The following SLC36A1 variants were observed in gnomAD, a reference collection of about 807,000 sequenced individuals.
The protein encoded by SLC36A1 is proton-coupled amino acid transporter 1.
SLC36A1 carries 30 observed loss-of-function variants against 47.5 expected under a neutral mutation model. The observed-to-expected ratio is 0.63, with a 90% CI of 0.47 to 0.86. The LOEUF (loss-of-function observed/expected upper bound fraction) is 0.86. SLC36A1 is among the 40% of genes least tolerant of loss of function. SLC36A1 has a pLI of 0.00. For synonymous variants in SLC36A1, 255 were observed against 249.7 expected (o/e 1.02, Z -0.20); for missense variants, 517 against 606.0 (o/e 0.85, Z 1.54).
the SLC36A1 span, among the ~76,000 whole-genome samples, chr5:151,396,849 G>A: frequency 1.3e-5 from 2 of 152,156 alleles, no homozygotes; most frequent in African/African-American, 4.8e-5. Context: ...CCTTTGATAG[G>A]TTAAGCAATA....
intron 4 of SLC36A1, 30 bp downstream of exon 4, chr5:151,464,632 G>A: frequency 6.3e-7 from 1 of 1,595,002 alleles, no homozygotes; most frequent in Non-Finnish European, 8.6e-7. Context: ...CCTCTCAAGT[G>A]ACAGATTGTC....
the SLC36A1 span, among the ~76,000 whole-genome samples, chr5:151,524,903 C>T: frequency 6.6e-6 from 1 of 152,190 alleles, no homozygotes; most frequent in South Asian, 2.1e-4. Context: ...AATGTGTGTC[C>T]CCCTGTCTTA....
chr5:151,407,600 C>G, the SLC36A1 span, among the ~76,000 whole-genome samples: 5 of 151,954 alleles, frequency 3.3e-5, no homozygotes, highest in Non-Finnish European at 7.3e-5. Context: ...AAAAGTTCTC[C>G]AAGTCCCCAC....
chr5:151,486,589 T>C (rs1561787625), intron 10 of SLC36A1, among the ~76,000 whole-genome samples: 1 of 152,240 alleles, frequency 6.6e-6, no homozygotes, highest in African/African-American at 2.4e-5. Context: ...TGCCTTGGAC[T>C]GAGATGTTCT....
At chr5:151,525,684 C>T in the SLC36A1 span, 1 of 1,491,694 alleles carries the variant, frequency 6.7e-7, no homozygotes, top group Non-Finnish European at 9.3e-7. Context: ...CATTTTTTCC[C>T]TAATGACAGA....
the SLC36A1 span, among the ~76,000 whole-genome samples, chr5:151,370,910 T>C: frequency 2.0e-5 from 3 of 152,288 alleles, no homozygotes; most frequent in African/African-American, 7.2e-5. Flanking sequence ...GGAGAATCAC[T>C]TGGACCCGGG....
the SLC36A1 span, chr5:151,510,155 G>A: frequency 6.2e-6 from 10 of 1,614,102 alleles, no homozygotes; most frequent in Non-Finnish European, 8.5e-6. Context: ...AGAACTGTGG[G>A]GGACATTTGC....
At chr5:151,364,000 G>A in the SLC36A1 span, among the ~76,000 whole-genome samples, 1,793 of 152,278 alleles carry the variant, frequency 0.012, 31 homozygotes, top group African/African-American at 0.041. Context: ...AGTATAGTAT[G>A]TACTATAGTT....
the SLC36A1 span, among the ~76,000 whole-genome samples, chr5:151,518,398 A>T: frequency 6.8e-6 from 1 of 146,420 alleles, no homozygotes; most frequent in African/African-American, 2.6e-5. Flanking sequence ...AGTAAAAATC[A>T]GGCCAGAAAT....
chr5:151,362,389 C>CTT, the SLC36A1 span, among the ~76,000 whole-genome samples: 22 of 109,000 alleles, frequency 2.0e-4, no homozygotes, highest in Non-Finnish European at 3.6e-4. Context: ...ATTGATTCTT[C>CTT]TTTTTTTTTT....
chr5:151,554,581 G>A, the SLC36A1 span: 1 of 1,614,080 alleles, frequency 6.2e-7, no homozygotes, highest in Non-Finnish European at 8.5e-7. Context: ...GCTTGTGGGA[G>A]AATATAGGTG....
the SLC36A1 span, among the ~76,000 whole-genome samples, chr5:151,353,953 A>G: frequency 6.6e-6 from 1 of 152,150 alleles, no homozygotes; most frequent in Non-Finnish European, 1.5e-5. Context: ...CAGTTTATTT[A>G]TCCATTCACC....
the SLC36A1 span, among the ~76,000 whole-genome samples, chr5:151,347,756 T>C: frequency 6.6e-6 from 1 of 152,210 alleles, no homozygotes; most frequent in Admixed American, 6.5e-5. Context: ...ACTATTATAC[T>C]GATAATTTTA....
chr5:151,526,450 A>G, the SLC36A1 span, among the ~76,000 whole-genome samples: 7 of 152,220 alleles, frequency 4.6e-5, no homozygotes, highest in Non-Finnish European at 1.0e-4. Flanking sequence ...GAAAAACCAG[A>G]TTCCCTGAGT....
At chr5:151,527,799 G>A in the SLC36A1 span, among the ~76,000 whole-genome samples, 2 of 152,222 alleles carry the variant, frequency 1.3e-5, no homozygotes, top group African/African-American at 4.8e-5. Context: ...GGAAGGTTAC[G>A]GGGTCACTCA....
intron 1 of SLC36A1, among the ~76,000 whole-genome samples, chr5:151,437,810 T>C (rs2127438205): frequency 6.6e-6 from 1 of 152,310 alleles, no homozygotes; most frequent in South Asian, 2.1e-4. Context: ...TATTCTCTTA[T>C]AGTTCTAGAA....
At chr5:151,345,997 G>GA in the SLC36A1 span, among the ~76,000 whole-genome samples, 1 of 152,184 alleles carries the variant, frequency 6.6e-6, no homozygotes, top group Non-Finnish European at 1.5e-5. Flanking sequence ...AGCTAAGTGG[G>GA]AATTCGAGTC....
the SLC36A1 span, chr5:151,512,265 C>A: frequency 1.2e-6 from 2 of 1,614,232 alleles, no homozygotes; most frequent in African/African-American, 1.3e-5. This position sits in a 1 kb window ranked among gnomAD's most constrained non-coding sequence, Gnocchi z 4.1. Flanking sequence ...GTGTCTCCAG[C>A]AAGCCTGCCA....
At chr5:151,535,774 A>C in the SLC36A1 span, among the ~76,000 whole-genome samples, 1 of 152,022 alleles carries the variant, frequency 6.6e-6, no homozygotes, top group Non-Finnish European at 1.5e-5. Flanking sequence ...CCCTAAACCC[A>C]TGGGATCTGA....
Sources: allele counts gnomAD v4.1 joint callset (sites outside exome capture counted in the v4.1 genomes callset), GRCh38; gene constraint gnomAD v4.1.1; non-coding constraint Gnocchi (gnomAD v3.1); transcripts MANE v1.5; gene names NCBI Gene and HGNC (gene_info 2026-07-23, HGNC 2026-07-21).